The following LRRIQ1 variants were observed in gnomAD, a reference collection of about 807,000 sequenced individuals.
The protein encoded by LRRIQ1 is leucine-rich repeat- and IQ domain-containing protein 1.
Under a neutral mutation model 211.9 loss-of-function variants are expected in LRRIQ1, and 210 were observed. The ratio of observed to expected loss-of-function variants is 0.99; its 90% CI spans 0.89 to 1.11. The LOEUF (loss-of-function observed/expected upper bound fraction) is 1.11, where lower values mean the gene tolerates loss of function less well. Ranked by LOEUF, LRRIQ1 falls within the 50% of genes most tolerant of loss-of-function variation. LRRIQ1 has a pLI of 0.00. For missense variants in LRRIQ1, 2,136 were observed against 1,939.5 expected, an observed-to-expected ratio of 1.10 and a Z score of -1.90; for synonymous variants, 699 against 650.1, an observed-to-expected ratio of 1.08 and a Z score of -1.14.
chr12:85,107,025 G>A (rs1304192340), intron 15 of LRRIQ1, among the ~76,000 whole-genome samples: 3 of 152,098 alleles, frequency 2.0e-5, no homozygotes, highest in African/African-American at 7.2e-5. Flanking sequence ...GAGAAGGATG[G>A]TGTCTGTTAA....
chr12:85,161,279 G>T (rs61930049), intron 24 of LRRIQ1, among the ~76,000 whole-genome samples: 17 of 152,046 alleles, frequency 1.1e-4, no homozygotes, highest in Non-Finnish European at 2.2e-4. Flanking sequence ...ATATTTAAAT[G>T]TAATAAAGTA....
chr12:85,241,524 G>A (rs1426806853), intron 26 of LRRIQ1, among the ~76,000 whole-genome samples: 1 of 151,618 alleles, frequency 6.6e-6, no homozygotes, highest in Non-Finnish European at 1.5e-5. Context: ...GCCATAATTT[G>A]CAAATTATTC....
Position 85,194,319 on chromosome 12 carries a change from A to G in LRRIQ1, c.4822+33605A>G, listed in dbSNP as rs1268024516. Among the ~76,000 whole-genome samples, 9 of 111,716 alleles carry G rather than the reference A, an allele frequency of 8.1e-5. No individual in the cohort carries two copies. The East Asian group carries it at 1.2e-3, about 15-fold the overall frequency. The allele number at this position is 111,716 out of a possible 152,430, so 73.3% of individuals were successfully genotyped here. A position where few individuals can be genotyped will look rare whatever the true frequency, so the allele number is the denominator to read the frequency against. ...AATTGAACTCAGCTCTGCACCAAGC[A>G]GACCTAATAGACATCTACAGAACTC... On this transcript the variant is annotated intron_variant, in intron 24 of 26. Transcript: ENST00000393217.
chr12:85,241,584 C>T (rs1895464378), intron 26 of LRRIQ1, among the ~76,000 whole-genome samples: 1 of 151,512 alleles, frequency 6.6e-6, no homozygotes, highest in African/African-American at 2.4e-5. Flanking sequence ...ATATAATGTA[C>T]AGTGAAAAAA....
At chr12:85,208,150 T>C (rs74111607) in intron 24 of LRRIQ1, among the ~76,000 whole-genome samples, 22,205 of 151,900 alleles carry the variant, frequency 0.15, 3,238 homozygotes, top group African/African-American at 0.38. Flanking sequence ...ATGCACTGTT[T>C]AGATTACTGT....
At chr12:85,090,119 A>G (rs1193313133) in intron 11 of LRRIQ1, among the ~76,000 whole-genome samples, 1 of 152,210 alleles carries the variant, frequency 6.6e-6, no homozygotes, top group Non-Finnish European at 1.5e-5. Context: ...AATGCACATC[A>G]TAAGCCTTGG....
chr12:85,125,176 C>A (rs1364444855), intron 17 of LRRIQ1, among the ~76,000 whole-genome samples: 4 of 152,142 alleles, frequency 2.6e-5, no homozygotes, highest in Non-Finnish European at 4.4e-5. Flanking sequence ...GAGACTCCAT[C>A]TCAAAAATAA....
rs1889130557 is a variant in LRRIQ1, at chr12:85,136,337, A to C, written c.4210-1513A>C. On this transcript the variant is annotated intron_variant, in intron 18 of 26. Coordinates refer to ENST00000393217, the MANE Select transcript of LRRIQ1 (RefSeq NM_001079910.2). ...CGTGGAAGGGAGTGGGAAAGTTTTT[A>C]GTGGAAAAAGGGAACGCTTCAGGTA... Among the ~76,000 whole-genome samples, 2 of 151,982 alleles carry C rather than the reference A, an allele frequency of 1.3e-5. 1 individual carries two copies. Among genetic ancestry groups the C allele is most frequent in the South Asian group, 4.1e-4 (2 of 4,838 alleles).
chr12:85,239,978 CA>C (rs956363200), intron 26 of LRRIQ1, among the ~76,000 whole-genome samples: 1 of 151,364 alleles, frequency 6.6e-6, no homozygotes, highest in Non-Finnish European at 1.5e-5. Context: ...ACCCTGACTC[CA>C]AAAAAAGTAA....
Position 85,073,033 on chromosome 12 carries a change from T to C in LRRIQ1, c.2822T>C (p.Ile941Thr). ...WIPTGLCWSW[I>T]PITSLTKNSD... ...CCAACTGGATTATGTTGGTCCTGGA[T>C]ACCTATTACCTCACTTACAAAAAAT... Residue 941 changes from isoleucine (I) to threonine (T), a missense_variant, in exon 11 of 27, where the codon ATA becomes ACA. Ile to Thr is a moderately conservative substitution (Grantham distance 89). Coordinates refer to ENST00000393217, the MANE Select transcript of LRRIQ1 (RefSeq NM_001079910.2). 6.2e-7 allele frequency: 1 copy of C among 1,612,054 alleles called. No homozygotes were observed. Among genetic ancestry groups the C allele is most frequent in the South Asian group, 1.1e-5 (1 of 90,906 alleles).
At chr12:85,188,551 A>G (rs1304371528) in intron 24 of LRRIQ1, among the ~76,000 whole-genome samples, 1 of 152,160 alleles carries the variant, frequency 6.6e-6, no homozygotes, top group Non-Finnish European at 1.5e-5. Context: ...TAAAATTTGC[A>G]GAGTACTCAT....
chr12:85,143,672 A>G (rs1203570089), intron 19 of LRRIQ1, among the ~76,000 whole-genome samples: 1 of 151,386 alleles, frequency 6.6e-6, no homozygotes, highest in Non-Finnish European at 1.5e-5. Flanking sequence ...TTGTTATTCT[A>G]TTTTTAGTTA....
chr12:85,056,160 T>C lies in LRRIQ1; in HGVS notation c.1367T>C (p.Ile456Thr), dbSNP rs750148298. 1 of 1,593,804 alleles carries C rather than the reference T, an allele frequency of 6.3e-7. No individual in the cohort carries two copies. Among genetic ancestry groups the C allele is most frequent in the South Asian group, 1.2e-5 (1 of 85,870 alleles). ...AAAGAAAATGTAGATAGACAGACTA[T>C]ATTAAAAGAATCAATACAAGTAAAG... ...NMKENVDRQT[I>T]LKESIQVKLK... The change falls in exon 8 of 27, where the codon ATA (isoleucine) becomes ACA (threonine). Residue 456 changes from isoleucine to threonine, a missense_variant. Coordinates refer to ENST00000393217, the MANE Select transcript of LRRIQ1 (RefSeq NM_001079910.2).
At chr12:85,177,882 A>G (rs1891790128) in intron 24 of LRRIQ1, among the ~76,000 whole-genome samples, 1 of 152,084 alleles carries the variant, frequency 6.6e-6, no homozygotes, top group Non-Finnish European at 1.5e-5. Context: ...ACCAGGGAAA[A>G]CATAATAGAT....
chr12:85,250,538 G>C (rs1895876677), intron 1 of LRRIQ1, among the ~76,000 whole-genome samples: 1 of 150,762 alleles, frequency 6.6e-6, no homozygotes, highest in Admixed American at 6.7e-5. Flanking sequence ...CCAGGACCTT[G>C]AGACCAGCCT....
exon 2 of LRRIQ1, chr12:85,263,892 T>C (rs182838268): frequency 6.6e-6 from 1 of 152,158 alleles, no homozygotes; most frequent in African/African-American, 2.4e-5. Context: ...GTTGTGTGAT[T>C]AATGTTCTAC....
rs1881237756 is a variant in LRRIQ1, at chr12:85,057,290, C to T, written c.2391+106C>T. The T allele has an allele frequency of 3.2e-6, 3 of 923,758 alleles. No homozygotes were observed. The East Asian group carries it at 9.2e-5, about 28-fold the overall frequency. 57.2% of individuals were successfully genotyped at this position (923,758 alleles called of 1,614,324 possible). A position where few individuals can be genotyped will look rare whatever the true frequency, so the allele number is the denominator to read the frequency against. On this transcript the variant is annotated intron_variant, in intron 8 of 26. Transcript: ENST00000393217. Reference sequence around the variant, plus strand: ...GAAATATTTTGTATACAAGAATTGTCTCTTGTTTAATAAAGTTATGAATGA... The same window carrying T: ...GAAATATTTTGTATACAAGAATTGTTTCTTGTTTAATAAAGTTATGAATGA...
chr12:85,078,267 T>C (rs1194241590), intron 11 of LRRIQ1, among the ~76,000 whole-genome samples: 1 of 152,174 alleles, frequency 6.6e-6, no homozygotes, highest in Admixed American at 6.5e-5. Context: ...ATAATAGCTA[T>C]CATTTTTAGT....
chr12:85,214,351 G>C (rs1388541579), intron 24 of LRRIQ1, among the ~76,000 whole-genome samples: 1 of 152,072 alleles, frequency 6.6e-6, no homozygotes, highest in Admixed American at 6.6e-5. Flanking sequence ...CTGACAAGCA[G>C]AATCTAAGAT....
Sources: allele counts gnomAD v4.1 joint callset (sites outside exome capture counted in the v4.1 genomes callset), GRCh38; gene constraint gnomAD v4.1.1; transcripts MANE v1.5; gene names NCBI Gene and HGNC (gene_info 2026-07-23, HGNC 2026-07-21).